UBR7: variants seen among roughly 807,000 people sequenced by gnomAD.
UBR7 encodes the protein putative E3 ubiquitin-protein ligase UBR7.
In UBR7, 22 loss-of-function variants were observed where a neutral mutation model predicts 57.0. That is an observed-to-expected ratio of 0.39 (90% CI 0.28 to 0.55). The LOEUF is 0.55. Among genes scored for constraint, UBR7 ranks in the 20% least tolerant of loss-of-function variants. The pLI, the probability that UBR7 is intolerant of heterozygous loss-of-function variation, is 0.69. For synonymous variants in UBR7, 167 were observed against 179.8 expected (o/e 0.93, Z 0.57); for missense variants, 395 against 513.2 (o/e 0.77, Z 2.23).
At chr14:93,208,072 A>T (rs1894404354) in intron 1 of UBR7, among the ~76,000 whole-genome samples, 1 of 152,066 alleles carries the variant, frequency 6.6e-6, no homozygotes, top group Non-Finnish European at 1.5e-5. Context: ...AAGGGAGGGG[A>T]GAGAGGAGAA....
At chr14:93,226,052 G>A (rs544817788) in intron 10 of UBR7, among the ~76,000 whole-genome samples, 8 of 152,188 alleles carry the variant, frequency 5.3e-5, no homozygotes, top group Non-Finnish European at 1.0e-4. Context: ...TAGGGGTTTG[G>A]ATTCCTCACT....
rs749762097 is a variant in UBR7 at position 93,220,283 on chromosome 14, C to A, written c.995C>A (p.Thr332Lys). The A allele has an allele frequency of 6.3e-7, 1 of 1,595,724 alleles. No individual in the cohort carries two copies. Among genetic ancestry groups the A allele is most frequent in the South Asian group, 1.1e-5 (1 of 90,574 alleles). The change falls in exon 9 of 11, where the codon ACA (threonine) becomes AAA (lysine). Residue 332 changes from threonine (T) to lysine (K), a missense_variant. Coordinates refer to ENST00000013070, the MANE Select transcript of UBR7 (RefSeq NM_175748.4). ...MYGDLDVLFL[T>K]DEYDTVLAYE... ...GGAGATCTAGATGTCTTATTCCTGA[C>A]AGATGAATACGACACAGTTCTGGCT... is the stretch of plus-strand genomic sequence containing the variant.
At chr14:93,214,206 C>T (rs1255917924) in intron 4 of UBR7, among the ~76,000 whole-genome samples, 1 of 152,198 alleles carries the variant, frequency 6.6e-6, no homozygotes. Flanking sequence ...GGATTATAGG[C>T]GTGAGCCACC....
chr14:93,207,691 G>T (rs1306840170), intron 1 of UBR7, among the ~76,000 whole-genome samples: 1 of 152,170 alleles, frequency 6.6e-6, no homozygotes, highest in Non-Finnish European at 1.5e-5. Flanking sequence ...CCGCCAGGAA[G>T]GGCCCTGGAG....
rs1260431945 is a variant in UBR7 at position 93,220,402 on chromosome 14, C to T, written c.1114C>T (p.Leu372Phe). 1.2e-6 allele frequency: 2 copies of T among 1,613,886 alleles called. No homozygotes were observed. Among genetic ancestry groups the T allele is most frequent in the Non-Finnish European group, 1.7e-6 (2 of 1,179,974 alleles). Residue 372 changes from leucine (L) to phenylalanine (F), a missense_variant, in exon 9 of 11, where the codon CTC becomes TTC. By Grantham distance (22) the Leu-to-Phe change is conservative. Transcript: ENST00000013070. ...SSMNRVQQVE[L>F]ICEYNDLKTE... ...CATGAATAGAGTCCAGCAAGTGGAA[C>T]TCATTTGTGGTAAATACTGTGTGTG...
At chr14:93,219,435 A>C (rs1367791871) in intron 8 of UBR7, 74 bp downstream of exon 8, 15 of 1,577,068 alleles carry the variant, frequency 9.5e-6, no homozygotes, top group Admixed American at 1.7e-5. Flanking sequence ...ACCTGGGGAA[A>C]ACATTCAATT....
chr14:93,220,317 CA>C lies in UBR7; in HGVS notation c.1032del (p.Lys346ArgfsTer12), dbSNP rs763588245. 3 of 1,597,512 alleles carry C rather than the reference CA, an allele frequency of 1.9e-6. No homozygotes were observed. Among genetic ancestry groups the C allele is most frequent in the Non-Finnish European group, 2.6e-6 (3 of 1,176,058 alleles). On this transcript the variant is annotated frameshift_variant, in exon 9 of 11. Transcript: ENST00000013070. LOFTEE classifies it high-confidence loss of function. ...ACGACACAGTTCTGGCTTATGAAAA[CA>C]AAGGGAAGATTGCCCAGGCCACTGA... is the stretch of plus-strand genomic sequence containing the variant. ...EYDTVLAYENKGKIAQATDRS... is the reference protein window; with the variant it reads ...EYDTVLAYENXGKIAQATDRS...
chr14:93,224,401 T>C (rs1053153072), intron 10 of UBR7, among the ~76,000 whole-genome samples: 38 of 127,492 alleles, frequency 3.0e-4, no homozygotes, highest in Admixed American at 5.1e-4. Flanking sequence ...TTTTTTGAGA[T>C]GGAGTCTTGC....
At position 93,218,633 on chromosome 14, in the gene UBR7, C is replaced by G. The variant is rs1389956512; in HGVS notation, c.708C>G (p.Leu236=). 2 of 1,614,010 alleles carry G rather than the reference C, an allele frequency of 1.2e-6. No individual in the cohort carries two copies. The highest frequency in any genetic ancestry group is 2.2e-5 in the East Asian group (1 of 44,872). Residue 236 remains leucine, a synonymous_variant, in exon 7 of 11, where the codon CTC becomes CTG. Transcript: ENST00000013070. ...PENGEHQDST[L]KEDVPEQGKD... ...ATGGAGAGCATCAAGATAGTACCCT[C>G]AAAGAGGATGTTCCAGAACAGGGAA...
Position 93,227,567 on chromosome 14 carries a change from T to C in UBR7, c.*532T>C, listed in dbSNP as rs1421331257. 1.4e-6 allele frequency: 1 copy of C among 699,802 alleles called. No homozygotes were observed. Among genetic ancestry groups the C allele is most frequent in the Non-Finnish European group, 2.6e-6 (1 of 384,716 alleles). The allele number at this position is 699,802 out of a possible 1,614,324, so 43.3% of individuals were successfully genotyped here. On this transcript the variant is annotated 3_prime_UTR_variant, in exon 11 of 11. Coordinates refer to ENST00000013070, the MANE Select transcript of UBR7 (RefSeq NM_175748.4). ...TGTTTTCTGAGGTTTGGTCATAGCT[T>C]AGAAAGGATCTTGGGGCTTGTTTTC...
intron 3 of UBR7, 83 bp from the exon 4 acceptor site, chr14:93,211,948 GT>G: frequency 9.3e-7 from 1 of 1,072,978 alleles, no homozygotes; most frequent in Non-Finnish European, 1.4e-6. Context: ...ATGTGGAAAT[GT>G]ATTGAATGCA....
Position 93,228,130 on chromosome 14 carries a change from G to T in UBR7, c.*1095G>T. The T allele has an allele frequency of 1.5e-6, 1 of 646,330 alleles. No homozygotes were observed. Among genetic ancestry groups the T allele is most frequent in the Non-Finnish European group, 2.8e-6 (1 of 351,184 alleles). The allele number at this position is 646,330 out of a possible 1,614,324, so 40.0% of individuals were successfully genotyped here. A position where few individuals can be genotyped will look rare whatever the true frequency, so the allele number is the denominator to read the frequency against. Reference sequence around the variant, plus strand: ...AAACAAGGCCCGAGGCTGCACGAATGATGAGTTTTGTGTATATAATGTTAA... The same window carrying T: ...AAACAAGGCCCGAGGCTGCACGAATTATGAGTTTTGTGTATATAATGTTAA... On this transcript the variant is annotated 3_prime_UTR_variant, in exon 11 of 11. Transcript: ENST00000013070.
intron 1 of UBR7, 70 bp downstream of exon 1, chr14:93,207,511 C>G: frequency 6.8e-7 from 1 of 1,466,304 alleles, no homozygotes; most frequent in East Asian, 2.5e-5. Flanking sequence ...CCGGCTGTCC[C>G]TATTCCCGCC....
rs143806979 is a variant in UBR7 at position 93,209,869 on chromosome 14, C to T, written c.196C>T (p.Pro66Ser). 1 of 1,613,962 alleles carries T rather than the reference C, an allele frequency of 6.2e-7. No homozygotes were observed. The highest frequency in any genetic ancestry group is 8.5e-7 in the Non-Finnish European group (1 of 1,179,956). The change falls in exon 2 of 11, where the codon CCA becomes TCA. Residue 66 changes from proline to serine, a missense_variant. By Grantham distance (74) the Pro-to-Ser change is moderately conservative. Coordinates refer to ENST00000013070, the MANE Select transcript of UBR7 (RefSeq NM_175748.4). ...QALYACSTCTPEGEEPAGICL... is the reference protein window; with the variant it reads ...QALYACSTCTSEGEEPAGICL... Reference sequence around the variant, plus strand: ...ACTATATGCCTGTAGTACCTGCACCCCAGAGGGAGAAGAACCAGCAGGAAT... The same window carrying T: ...ACTATATGCCTGTAGTACCTGCACCTCAGAGGGAGAAGAACCAGCAGGAAT...
In UBR7 at chr14:93,207,260, G is replaced by A; in HGVS notation, c.-32G>A. On this transcript the variant is annotated 5_prime_UTR_variant, in exon 1 of 11. Coordinates refer to ENST00000013070, the MANE Select transcript of UBR7 (RefSeq NM_175748.4). ...ACGGCCGCTTTTCCCGCCTCCGCCG[G>A]GGCCGAGCCGCTGTTCGGCTGACAG... 6.5e-7 allele frequency: 1 copy of A among 1,549,604 alleles called. No individual in the cohort carries two copies. The highest frequency in any genetic ancestry group is 8.7e-7 in the Non-Finnish European group (1 of 1,147,122).
chr14:93,218,581 G>T lies in UBR7; in HGVS notation c.656G>T (p.Gly219Val). Residue 219 changes from glycine to valine, a missense_variant, in exon 7 of 11, where the codon GGT becomes GTT. By Grantham distance (109) the Gly-to-Val change is moderately radical. Coordinates refer to ENST00000013070, the MANE Select transcript of UBR7 (RefSeq NM_175748.4). The part of the protein sequence containing the change: ...DGLVRNIDGI[G>V]DQEVIKPENG... ...TTGGTGCGGAACATTGATGGAATAGGTGATCAGGAAGTTATCAAACCTGAA... is the reference window on the plus strand; with the variant it reads ...TTGGTGCGGAACATTGATGGAATAGTTGATCAGGAAGTTATCAAACCTGAA... The T allele has an allele frequency of 6.2e-7, 1 of 1,614,112 alleles. No individual in the cohort carries two copies. The highest frequency in any genetic ancestry group is 1.1e-5 in the South Asian group (1 of 91,078).
chr14:93,222,024 GA>G (rs2140106163), intron 9 of UBR7, among the ~76,000 whole-genome samples: 1 of 151,382 alleles, frequency 6.6e-6, no homozygotes, highest in East Asian at 1.9e-4. Flanking sequence ...GAATTCCAGA[GA>G]AATAGGAAGC....
chr14:93,215,486 C>T (rs192318791), intron 6 of UBR7, among the ~76,000 whole-genome samples: 2 of 151,952 alleles, frequency 1.3e-5, no homozygotes, highest in Non-Finnish European at 2.9e-5. Context: ...GTCAGGAGTT[C>T]GAGACCAGCC....
At chr14:93,222,818 G>C (rs1325789003) in intron 10 of UBR7, among the ~76,000 whole-genome samples, 1 of 152,140 alleles carries the variant, frequency 6.6e-6, no homozygotes, top group Non-Finnish European at 1.5e-5. Context: ...CAAATTGGCA[G>C]GCTAAGGGGA....
Sources: gnomAD v4.1 joint callset for allele counts (sites outside exome capture counted in the v4.1 genomes callset) on GRCh38, gnomAD v4.1.1 for gene constraint, MANE v1.5 for transcripts, NCBI Gene and HGNC (gene_info 2026-07-23, HGNC 2026-07-21) for gene names.